DNAI3: variants seen among roughly 807,000 people sequenced by gnomAD.
DNAI3 encodes dynein axonemal intermediate chain 3.
Under a neutral mutation model 115.5 loss-of-function variants are expected in DNAI3, and 83 were observed. The ratio of observed to expected loss-of-function variants is 0.72; its 90% CI spans 0.60 to 0.86. The LOEUF (loss-of-function observed/expected upper bound fraction) is 0.86. Ranked by LOEUF, DNAI3 falls within the 40% of genes least tolerant of loss-of-function variation. The pLI, the probability that DNAI3 is intolerant of heterozygous loss-of-function variation, is 0.00. For missense variants in DNAI3, 1,004 were observed against 1,075.8 expected (o/e 0.93, Z 0.93); for synonymous variants, 320 against 347.0 (o/e 0.92, Z 0.86).
chr1:85,125,835 G>A (rs539565947), intron 19 of DNAI3, among the ~76,000 whole-genome samples: 1 of 152,324 alleles, frequency 6.6e-6, no homozygotes, highest in East Asian at 1.9e-4. Context: ...CTGGTCAGTA[G>A]ATGAAGCCTG....
At chr1:85,121,174 A>T (rs1021657791) in intron 17 of DNAI3, among the ~76,000 whole-genome samples, 2 of 152,140 alleles carry the variant, frequency 1.3e-5, no homozygotes, top group African/African-American at 4.8e-5. Flanking sequence ...CCTTTGCATG[A>T]CTGTTTCTTC....
intron 12 of DNAI3, 105 bp from the exon 13 acceptor site, chr1:85,098,425 G>A (rs1216516237): frequency 1.5e-6 from 2 of 1,338,532 alleles, no homozygotes; most frequent in Admixed American, 4.7e-5. Context: ...TCCTTGAACT[G>A]GTATATCTCT....
chr1:85,071,121 G>A (rs1270882078), intron 1 of DNAI3, among the ~76,000 whole-genome samples: 1 of 152,212 alleles, frequency 6.6e-6, no homozygotes, highest in Non-Finnish European at 1.5e-5. Flanking sequence ...ACCTTGTGGG[G>A]TAGATTTTAT....
intron 16 of DNAI3, among the ~76,000 whole-genome samples, chr1:85,112,801 G>A (rs543398224): frequency 1.3e-5 from 2 of 152,184 alleles, no homozygotes; most frequent in African/African-American, 4.8e-5. Flanking sequence ...ACAGAGTCTC[G>A]CTCTGCTGGC....
intron 8 of DNAI3, among the ~76,000 whole-genome samples, chr1:85,092,064 A>G (rs1228324746): frequency 6.6e-6 from 1 of 152,178 alleles, no homozygotes; most frequent in Non-Finnish European, 1.5e-5. Flanking sequence ...ACACAGGGTT[A>G]TTCAATGTTC....
At chr1:85,100,364 A>G (rs1043912268) in intron 13 of DNAI3, among the ~76,000 whole-genome samples, 1 of 152,264 alleles carries the variant, frequency 6.6e-6, no homozygotes, top group Non-Finnish European at 1.5e-5. Context: ...CAAAAAACAC[A>G]TGAGAAAATG....
rs1656149657 is a variant in DNAI3, at chr1:85,126,616, A to G, written c.2218A>G (p.Ile740Val). The change falls in exon 20 of 23, where the codon ATT becomes GTT. Residue 740 changes from isoleucine (I) to valine (V), a missense_variant. Ile to Val is a conservative substitution (Grantham distance 29). Coordinates refer to ENST00000294664, the MANE Select transcript of DNAI3 (RefSeq NM_145172.5). Reference sequence around the variant, plus strand: ...CTACATCGGCCGAGAAGATGGATACATTGATATCTGGGACCTTCTGGAGAA... The same window carrying G: ...CTACATCGGCCGAGAAGATGGATACGTTGATATCTGGGACCTTCTGGAGAA... ...VFYIGREDGY[I>V]DIWDLLEKTH... The G allele has an allele frequency of 6.2e-7, 1 of 1,614,164 alleles. No homozygotes were observed. The highest frequency in any genetic ancestry group is 1.3e-5 in the African/African-American group (1 of 75,052).
chr1:85,075,327 T>C (rs1654415037), intron 3 of DNAI3, among the ~76,000 whole-genome samples: 1 of 152,214 alleles, frequency 6.6e-6, no homozygotes, highest in Non-Finnish European at 1.5e-5. Context: ...AATTGACTGG[T>C]AAGAAAATCT....
rs769836816 is a variant in DNAI3 at position 85,108,158 on chromosome 1, C to A, written c.1679C>A (p.Ser560Tyr). The A allele has an allele frequency of 4.4e-6, 7 of 1,599,692 alleles. No homozygotes were observed. The highest frequency in any genetic ancestry group is 5.1e-6 in the Non-Finnish European group (6 of 1,175,570). The change falls in exon 15 of 23, where the codon TCC becomes TAC. Residue 560 changes from serine to tyrosine, a missense_variant. By Grantham distance (144) the Ser-to-Tyr change is moderately radical. Transcript: ENST00000294664. ...TCTACTTTTTTGCATCTGGATCTCT[C>A]CTGGAAACCTCTCACTAAGGTAAGT... is the stretch of plus-strand genomic sequence containing the variant. ...VPSTFLHLDLSWKPLTKVRLS... is the reference protein window; with the variant it reads ...VPSTFLHLDLYWKPLTKVRLS...
chr1:85,075,759 CT>C (rs923957255), intron 3 of DNAI3, among the ~76,000 whole-genome samples: 8 of 152,188 alleles, frequency 5.3e-5, no homozygotes, highest in Admixed American at 4.6e-4. Flanking sequence ...GGAGCAATGA[CT>C]TTCTGCCAGG....
intron 1 of DNAI3, among the ~76,000 whole-genome samples, chr1:85,071,363 G>T (rs1654267482): frequency 6.6e-6 from 1 of 152,228 alleles, no homozygotes. Context: ...TGTCAAAATT[G>T]ATAAGCAGTT....
chr1:85,063,159 A>G (rs977095660), intron 1 of DNAI3, among the ~76,000 whole-genome samples: 7 of 152,204 alleles, frequency 4.6e-5, no homozygotes, highest in African/African-American at 1.7e-4. Context: ...GGCCTGACAT[A>G]AGTAATTACA....
chr1:85,088,819 C>A (rs1243035055), intron 7 of DNAI3, among the ~76,000 whole-genome samples: 1 of 151,964 alleles, frequency 6.6e-6, no homozygotes, highest in East Asian at 1.9e-4. Context: ...ATAAAACCAC[C>A]AAGCAATATA....
intron 12 of DNAI3, 61 bp downstream of exon 12, chr1:85,097,716 A>T: frequency 2.8e-6 from 4 of 1,438,452 alleles, no homozygotes; most frequent in Non-Finnish European, 3.8e-6. Context: ...ATGGAAAAGT[A>T]CATAATATAG....
intron 13 of DNAI3, among the ~76,000 whole-genome samples, chr1:85,102,704 A>G (rs1655363442): frequency 6.6e-6 from 1 of 152,196 alleles, no homozygotes; most frequent in East Asian, 1.9e-4. Flanking sequence ...AGTAATTCCA[A>G]TTTTAGAGAA....
intron 1 of DNAI3, among the ~76,000 whole-genome samples, chr1:85,064,619 C>T (rs1423192740): frequency 6.6e-6 from 1 of 152,036 alleles, no homozygotes; most frequent in Non-Finnish European, 1.5e-5. Context: ...TTAAAGATAT[C>T]CCTGGAGAGG....
Sources: allele counts gnomAD v4.1 joint callset (sites outside exome capture counted in the v4.1 genomes callset), GRCh38; gene constraint gnomAD v4.1.1; transcripts MANE v1.5; gene names NCBI Gene and HGNC (gene_info 2026-07-23, HGNC 2026-07-21).